The following LOXHD1 variants were observed in gnomAD, a reference collection of about 807,000 sequenced individuals.
The protein encoded by LOXHD1 is lipoxygenase homology domain-containing protein 1.
Under a neutral mutation model 248.2 loss-of-function variants are expected in LOXHD1, and 205 were observed. The ratio of observed to expected loss-of-function variants is 0.83; its 90% CI spans 0.74 to 0.93. LOXHD1 has a LOEUF of 0.93. Among genes scored for constraint, LOXHD1 ranks in the 40% least tolerant of loss-of-function variants. LOXHD1 has a pLI of 0.00. For missense variants in LOXHD1, 2,930 were observed against 2,971.6 expected, an observed-to-expected ratio of 0.99 and a Z score of 0.33; for synonymous variants, 1,113 against 1,162.8, an observed-to-expected ratio of 0.96 and a Z score of 0.87.
chr18:46,519,670 C>T (rs928679945), intron 33 of LOXHD1, among the ~76,000 whole-genome samples: 2 of 152,152 alleles, frequency 1.3e-5, no homozygotes, highest in African/African-American at 4.8e-5. Flanking sequence ...ATAGAATGAT[C>T]AAAATGAGTG....
At chr18:46,505,489 T>C (rs902815983) in intron 37 of LOXHD1, among the ~76,000 whole-genome samples, 4 of 152,194 alleles carry the variant, frequency 2.6e-5, no homozygotes, top group Admixed American at 2.6e-4. Flanking sequence ...GGCACAAACA[T>C]AATCCTTTAT....
At chr18:46,543,420 A>G (rs1272365612) in intron 23 of LOXHD1, among the ~76,000 whole-genome samples, 2 of 152,152 alleles carry the variant, frequency 1.3e-5, no homozygotes, top group Admixed American at 6.5e-5. Flanking sequence ...ATCTTTTAAA[A>G]AAAATTTTTT....
chr18:46,479,180 C>T (rs1010469776), intron 40 of LOXHD1, among the ~76,000 whole-genome samples: 5 of 151,644 alleles, frequency 3.3e-5, no homozygotes, highest in Non-Finnish European at 5.9e-5. Flanking sequence ...ATTAAATGTA[C>T]GCTCCCAGAT....
At chr18:46,483,439 C>T in intron 40 of LOXHD1, 148 bp downstream of exon 40, 1 of 944,438 alleles carries the variant, frequency 1.1e-6, no homozygotes, top group Non-Finnish European at 1.6e-6. Context: ...TGTCTCTTCC[C>T]TTCCTGCCTT....
chr18:46,515,762 GATA>G (rs2144046736), intron 34 of LOXHD1, among the ~76,000 whole-genome samples: 2 of 152,290 alleles, frequency 1.3e-5, no homozygotes, highest in South Asian at 4.2e-4. Context: ...GACCATGTAT[GATA>G]ATAGAACTCT....
At chr18:46,614,821 T>C (rs1489409065) in intron 5 of LOXHD1, among the ~76,000 whole-genome samples, 1 of 152,014 alleles carries the variant, frequency 6.6e-6, no homozygotes, top group East Asian at 1.9e-4. Flanking sequence ...CTGATTTTGG[T>C]ATCAAAAATC....
intron 12 of LOXHD1, among the ~76,000 whole-genome samples, chr18:46,590,322 C>G (rs328152): frequency 0.79 from 120,842 of 152,088 alleles, 48,533 homozygotes; most frequent in Non-Finnish European, 0.86. Context: ...GGAAAGGATT[C>G]ATCAGAGCTG....
chr18:46,539,398 T>A (rs1041180217), intron 25 of LOXHD1, among the ~76,000 whole-genome samples: 4 of 151,914 alleles, frequency 2.6e-5, no homozygotes, highest in Non-Finnish European at 5.9e-5. Context: ...GAGGTGGAGG[T>A]TGCAGTAAGC....
intron 28 of LOXHD1, among the ~76,000 whole-genome samples, chr18:46,529,750 G>T (rs1490649095): frequency 2.0e-5 from 3 of 152,140 alleles, no homozygotes; most frequent in Admixed American, 1.3e-4. Context: ...GTCAACACGA[G>T]ATCCTTCTCA....
chr18:46,656,929 C>T lies in LOXHD1; in HGVS notation c.105G>A (p.Leu35=), dbSNP rs967030421. The T allele has an allele frequency of 2.6e-6, 4 of 1,551,500 alleles. No homozygotes were observed. Among genetic ancestry groups the T allele is most frequent in the African/African-American group, 2.7e-5 (2 of 73,052 alleles). ...CTCTGGCCTTGTAGTACTCGTGTTC[C>T]AGCTCCCCCTCGTCGTCCTCCGAGG... ...NYASEDDEGE[L]EHEYYKARVY... The change falls in exon 1 of 41, where the codon CTG becomes CTA. Residue 35 remains leucine (L), a synonymous_variant. Transcript: ENST00000642948.
chr18:46,650,529 T>A (rs1485496100), intron 1 of LOXHD1, among the ~76,000 whole-genome samples: 1 of 152,224 alleles, frequency 6.6e-6, no homozygotes, highest in Non-Finnish European at 1.5e-5. Flanking sequence ...AACCTATAGT[T>A]ATTTCTACTT....
At chr18:46,584,216 AG>A (rs773041734) in intron 12 of LOXHD1, among the ~76,000 whole-genome samples, 6 of 152,200 alleles carry the variant, frequency 3.9e-5, no homozygotes, top group South Asian at 2.1e-4. Flanking sequence ...AGTAGTTACA[AG>A]AGACTGGGGA....
intron 26 of LOXHD1, among the ~76,000 whole-genome samples, 167 bp from the exon 27 acceptor site, chr18:46,534,618 G>C (rs1461527418): frequency 6.6e-6 from 1 of 152,086 alleles, no homozygotes; most frequent in Non-Finnish European, 1.5e-5. Context: ...TGACACACAC[G>C]CCATGCTTAT....
At chr18:46,523,615 C>T (rs1183754811) in intron 31 of LOXHD1, among the ~76,000 whole-genome samples, 2 of 152,176 alleles carry the variant, frequency 1.3e-5, no homozygotes, top group Non-Finnish European at 1.5e-5. Context: ...GCTTGGAAGA[C>T]ACTACCCTGG....
chr18:46,575,488 G>C (rs1424667863), intron 14 of LOXHD1, among the ~76,000 whole-genome samples: 1 of 152,156 alleles, frequency 6.6e-6, no homozygotes, highest in Non-Finnish European at 1.5e-5. Flanking sequence ...AAGGTCATTA[G>C]GGTGACCCCT....
rs878853231 is a variant in LOXHD1, at chr18:46,485,120, T to TC, written c.6080dup (p.Gly2028ArgfsTer28). ...GCCAGACGTTCTCCCTGGTTTCGCC[T>TC]CCGTTGCCCGTTTCTATGACGATCT... is the stretch of plus-strand genomic sequence containing the variant. On this transcript the variant is annotated frameshift_variant, in exon 39 of 41. Transcript: ENST00000642948. LOFTEE classifies it high-confidence loss of function. 1 of 1,546,998 alleles carries TC rather than the reference T, an allele frequency of 6.5e-7. No homozygotes were observed. Among genetic ancestry groups the TC allele is most frequent in the Middle Eastern group, 1.7e-4 (1 of 5,984 alleles).
intron 8 of LOXHD1, among the ~76,000 whole-genome samples, chr18:46,598,920 T>C (rs2038297733): frequency 6.6e-6 from 1 of 152,160 alleles, no homozygotes; most frequent in South Asian, 2.1e-4. Flanking sequence ...CTGTTCTTCA[T>C]GGGATTTGGC....
rs328171 is a variant in LOXHD1, at chr18:46,643,402, G to A, written c.246-1366C>T. 1.8e-3 allele frequency among the ~76,000 whole-genome samples: 275 copies of A among 152,112 alleles called. 2 individuals are homozygous for A. Among genetic ancestry groups the A allele is most frequent in the Non-Finnish European group, 2.9e-3 (195 of 67,966 alleles). ...TGGCAAAATAAAGACAGAGAATGTC[G>A]ACTGTTAGCTCCTGATGAAGAGCAA... On this transcript the variant is annotated intron_variant, in intron 2 of 40. Transcript: ENST00000642948.
chr18:46,652,852 A>T (rs1169810665), intron 1 of LOXHD1, among the ~76,000 whole-genome samples: 1 of 152,194 alleles, frequency 6.6e-6, no homozygotes, highest in Non-Finnish European at 1.5e-5. Flanking sequence ...AATCAGCAAT[A>T]AAAAAGAACA....
Sources: allele counts gnomAD v4.1 joint callset (sites outside exome capture counted in the v4.1 genomes callset), GRCh38; gene constraint gnomAD v4.1.1; transcripts MANE v1.5; gene names NCBI Gene and HGNC (gene_info 2026-07-23, HGNC 2026-07-21).